ANXA4: variants seen among roughly 807,000 people sequenced by gnomAD.
ANXA4 encodes the protein 35-beta calcimedin.
Under a neutral mutation model 49.8 loss-of-function variants are expected in ANXA4, and 39 were observed. The observed-to-expected ratio is 0.78, with a 90% CI of 0.61 to 1.02. The LOEUF (loss-of-function observed/expected upper bound fraction) is 1.02. Ranked by LOEUF, ANXA4 falls within the 50% of genes least tolerant of loss-of-function variation. The pLI, the probability that ANXA4 is intolerant of heterozygous loss-of-function variation, is 0.00. For synonymous variants in ANXA4, 134 were observed against 152.5 expected, an observed-to-expected ratio of 0.88 and a Z score of 0.89; for missense variants, 360 against 410.1, an observed-to-expected ratio of 0.88 and a Z score of 1.05.
intron 2 of ANXA4, among the ~76,000 whole-genome samples, chr2:69,661,772 C>T (rs772005615): frequency 5.3e-5 from 8 of 151,794 alleles, no homozygotes; most frequent in Admixed American, 2.0e-4. Context: ...GCACTGGATA[C>T]GTCTGAAAGT....
chr2:69,803,007 G>A (rs1367517311), intron 3 of ANXA4, among the ~76,000 whole-genome samples: 3 of 151,724 alleles, frequency 2.0e-5, no homozygotes, highest in Admixed American at 1.3e-4. Context: ...GACCAGCCTG[G>A]TCAACATGGT....
intron 2 of ANXA4, among the ~76,000 whole-genome samples, chr2:69,684,970 G>A (rs751928117): frequency 2.6e-5 from 4 of 152,190 alleles, no homozygotes; most frequent in Admixed American, 6.6e-5. Context: ...TTTGAAGAAT[G>A]ATGTCTTTGG....
intron 2 of ANXA4, among the ~76,000 whole-genome samples, chr2:69,659,985 T>C (rs2136437): frequency 0.064 from 9,735 of 152,046 alleles, 1,017 homozygotes; most frequent in East Asian, 0.36. Context: ...AAGCTGGAAC[T>C]CTCAAAGAGT....
chr2:69,776,560 GT>G (rs11356385), intron 1 of ANXA4, among the ~76,000 whole-genome samples: 28,842 of 152,110 alleles, frequency 0.19, 3,154 homozygotes, highest in East Asian at 0.34. Context: ...CAGTTCTTCA[GT>G]TCTCTTTGGA....
intron 12 of ANXA4, among the ~76,000 whole-genome samples, chr2:69,821,068 A>C (rs576954901): frequency 6.6e-6 from 1 of 152,364 alleles, no homozygotes; most frequent in South Asian, 2.1e-4. Flanking sequence ...TTACATTTTA[A>C]TGAATACTTT....
At chr2:69,763,693 C>T (rs1245715646) in intron 1 of ANXA4, among the ~76,000 whole-genome samples, 5 of 145,158 alleles carry the variant, frequency 3.4e-5, no homozygotes, top group Admixed American at 2.8e-4. Flanking sequence ...GATAGAGTCT[C>T]GCTCTGTTGC....
chr2:69,784,513 A>G (rs753032887), intron 2 of ANXA4, among the ~76,000 whole-genome samples: 1 of 152,220 alleles, frequency 6.6e-6, no homozygotes, highest in Non-Finnish European at 1.5e-5. Context: ...TGGAATTCTG[A>G]CAGCAAGTCA....
At chr2:69,739,354 C>G (rs940969329), upstream of ANXA4, among the ~76,000 whole-genome samples, 1 of 151,906 alleles carries the variant, frequency 6.6e-6, no homozygotes, top group African/African-American at 2.4e-5. Flanking sequence ...TATTTTTCCT[C>G]TCTTGTTCCC....
intron 3 of ANXA4, among the ~76,000 whole-genome samples, chr2:69,728,132 A>G (rs902740420): frequency 3.3e-5 from 5 of 152,198 alleles, no homozygotes; most frequent in African/African-American, 1.2e-4. Context: ...TTAAGGTGGT[A>G]TCTGTCTTGT....
chr2:69,805,366 G>C (rs1673399172), intron 4 of ANXA4, among the ~76,000 whole-genome samples: 1 of 152,104 alleles, frequency 6.6e-6, no homozygotes, highest in East Asian at 1.9e-4. Flanking sequence ...CACTTTGGGA[G>C]GCCGAGGCGA....
At chr2:69,679,268 A>G (rs1057477343) in intron 2 of ANXA4, among the ~76,000 whole-genome samples, 2 of 145,390 alleles carry the variant, frequency 1.4e-5, no homozygotes, top group South Asian at 2.2e-4. Flanking sequence ...TCCCAAGTAG[A>G]TGGACCACAG....
At chr2:69,664,223 G>A (rs1676849504) in intron 2 of ANXA4, among the ~76,000 whole-genome samples, 1 of 152,178 alleles carries the variant, frequency 6.6e-6, no homozygotes, top group South Asian at 2.1e-4. Flanking sequence ...GGGGGTAAAT[G>A]TATTTCAGAC....
At chr2:69,806,361 C>A in intron 4 of ANXA4, 24 bp from the exon 5 acceptor site, 2 of 1,547,226 alleles carry the variant, frequency 1.3e-6, no homozygotes, top group South Asian at 2.2e-5. Context: ...AGCAGTTAAG[C>A]GGAGCTACTT....
intron 2 of ANXA4, among the ~76,000 whole-genome samples, chr2:69,692,446 C>T (rs1678008388): frequency 6.6e-6 from 1 of 152,118 alleles, no homozygotes; most frequent in South Asian, 2.1e-4. Context: ...TCCTAATGAA[C>T]GCCTACTTAT....
intron 2 of ANXA4, among the ~76,000 whole-genome samples, chr2:69,694,904 G>A (rs1190699891): frequency 6.6e-6 from 1 of 152,064 alleles, no homozygotes; most frequent in Admixed American, 6.6e-5. Context: ...GGGATTACAG[G>A]CGTAAGCCAC....
At chr2:69,803,064 G>A (rs775486553) in intron 3 of ANXA4, among the ~76,000 whole-genome samples, 1 of 151,882 alleles carries the variant, frequency 6.6e-6, no homozygotes, top group Non-Finnish European at 1.5e-5. Flanking sequence ...AGCCAGGCAT[G>A]GTGGCAGGCA....
chr2:69,739,002 C>G (rs960268891), upstream of ANXA4, among the ~76,000 whole-genome samples: 1 of 152,188 alleles, frequency 6.6e-6, no homozygotes, highest in African/African-American at 2.4e-5. Context: ...ACCAGAACAC[C>G]TCAACTACAT....
At chr2:69,740,206 CTTTTT>C (rs1670348038), upstream of ANXA4, among the ~76,000 whole-genome samples, 1 of 151,726 alleles carries the variant, frequency 6.6e-6, no homozygotes, top group Non-Finnish European at 1.5e-5. Context: ...TTTTTTCTTT[CTTTTT>C]CTTTTTCTTT....
chr2:69,735,102 A>G (rs1670209375), intron 3 of ANXA4, among the ~76,000 whole-genome samples: 2 of 152,160 alleles, frequency 1.3e-5, no homozygotes, highest in South Asian at 4.1e-4. Flanking sequence ...CTAACCTCAC[A>G]AGCTAACTGC....
Sources: gnomAD v4.1 joint callset for allele counts (sites outside exome capture counted in the v4.1 genomes callset) on GRCh38, gnomAD v4.1.1 for gene constraint, MANE v1.5 for transcripts, NCBI Gene and HGNC (gene_info 2026-07-23, HGNC 2026-07-21) for gene names.